STAG1: variants seen among roughly 807,000 people sequenced by gnomAD.
STAG1 encodes cohesin subunit SA-1.
A neutral mutation model predicts 170.9 loss-of-function variants in STAG1; 26 were observed. The ratio of observed to expected loss-of-function variants is 0.15; its 90% CI spans 0.11 to 0.21. STAG1 has a LOEUF of 0.21. STAG1 is among the 10% of genes least tolerant of loss of function. STAG1 has a pLI of 1.00. For synonymous variants in STAG1, 514 were observed against 497.7 expected (o/e 1.03, Z -0.44); for missense variants, 964 against 1,509.5 (o/e 0.64, Z 5.99).
chr3:136,446,492 G>A lies in STAG1; in HGVS notation c.1429-3088C>T, dbSNP rs1270370059. ...GCCTGGAATGCTACGGCATGATCTC[G>A]GCTCACTGCAACCTCCGCCTCCCAG... On this transcript the variant is annotated intron_variant, in intron 14 of 33. Transcript: ENST00000383202. 9.9e-5 allele frequency among the ~76,000 whole-genome samples: 15 copies of A among 151,572 alleles called. No individual in the cohort carries two copies. In the Middle Eastern group the frequency reaches 0.014, roughly 137 times the overall value.
At chr3:136,458,886 T>C (rs1309057915) in intron 13 of STAG1, among the ~76,000 whole-genome samples, 2 of 152,078 alleles carry the variant, frequency 1.3e-5, no homozygotes, top group Non-Finnish European at 2.9e-5. Flanking sequence ...GATATATTTG[T>C]TATCAAATAA....
chr3:136,444,404 G>A (rs2088717718), intron 14 of STAG1, among the ~76,000 whole-genome samples: 1 of 152,136 alleles, frequency 6.6e-6, no homozygotes, highest in Non-Finnish European at 1.5e-5. Flanking sequence ...AAGCTTTTCA[G>A]GGAAGGCAAG....
chr3:136,416,463 A>G (rs951611454), intron 21 of STAG1, among the ~76,000 whole-genome samples: 1 of 152,260 alleles, frequency 6.6e-6, no homozygotes, highest in African/African-American at 2.4e-5. Context: ...TACTAGCACA[A>G]TAATGATGGT....
chr3:136,547,674 T>C (rs1936213431), intron 5 of STAG1, among the ~76,000 whole-genome samples: 1 of 152,232 alleles, frequency 6.6e-6, no homozygotes, highest in Non-Finnish European at 1.5e-5. Context: ...CAGAATTTTC[T>C]TCCTTTTTAA....
chr3:136,516,784 C>A (rs1187047291), intron 7 of STAG1, among the ~76,000 whole-genome samples: 1 of 152,174 alleles, frequency 6.6e-6, no homozygotes, highest in Non-Finnish European at 1.5e-5. Flanking sequence ...CCCAAGCACT[C>A]CTAATCTCTT....
chr3:136,574,389 C>T (rs1010238624), intron 4 of STAG1, among the ~76,000 whole-genome samples: 3 of 151,940 alleles, frequency 2.0e-5, no homozygotes, highest in Non-Finnish European at 2.9e-5. Context: ...TTGATTTCTA[C>T]TTTGATGTAA....
At chr3:136,554,143 G>A (rs1390614172) in intron 5 of STAG1, among the ~76,000 whole-genome samples, 1 of 151,946 alleles carries the variant, frequency 6.6e-6, no homozygotes, top group African/African-American at 2.4e-5. Flanking sequence ...GAGATAAAGA[G>A]GAACATTAAA....
At chr3:136,714,935 TTAAATA>T (rs1252772175) in intron 1 of STAG1, among the ~76,000 whole-genome samples, 1 of 56,576 alleles carries the variant, frequency 1.8e-5, no homozygotes, top group African/African-American at 9.1e-5. Flanking sequence ...AATATATATA[TTAAATA>T]TATATATATA....
intron 12 of STAG1, among the ~76,000 whole-genome samples, chr3:136,471,572 G>A (rs144155706): frequency 6.6e-6 from 1 of 152,144 alleles, no homozygotes; most frequent in Non-Finnish European, 1.5e-5. Flanking sequence ...TATTTAGTTC[G>A]TGATAGATGT....
At chr3:136,517,705 C>T (rs1187760279) in intron 7 of STAG1, among the ~76,000 whole-genome samples, 1 of 151,696 alleles carries the variant, frequency 6.6e-6, no homozygotes, top group Non-Finnish European at 1.5e-5. Context: ...GTAAATCCAC[C>T]AAAATAATTA....
At chr3:136,671,814 C>T (rs574683891) in intron 1 of STAG1, among the ~76,000 whole-genome samples, 20 of 151,280 alleles carry the variant, frequency 1.3e-4, no homozygotes, top group African/African-American at 4.4e-4. Flanking sequence ...CCCAGGACGC[C>T]GAGGCTGCAG....
intron 4 of STAG1, among the ~76,000 whole-genome samples, chr3:136,569,666 T>G (rs1937200001): frequency 1.3e-5 from 2 of 151,964 alleles, no homozygotes; most frequent in African/African-American, 2.4e-5. Flanking sequence ...TTAAAGTGAT[T>G]CAAGAGATTA....
Position 136,749,307 on chromosome 3 carries a change from T to C in STAG1, c.-84+2888A>G, listed in dbSNP as rs201060339. Among the ~76,000 whole-genome samples, 32 of 152,204 alleles carry C rather than the reference T, an allele frequency of 2.1e-4. No individual in the cohort carries two copies. In the East Asian group the frequency reaches 3.9e-3, roughly 18 times the overall value. The stretch of plus-strand genomic sequence containing the variant: ...ATAGGGAGACTGACTCCTGCTAGCA[T>C]GGATAAAAGCTAACAGCCATGTTGT... On this transcript the variant is annotated intron_variant, in intron 1 of 33. Transcript: ENST00000383202.
chr3:136,719,627 C>CTGGGTAGG (rs1377145856), intron 1 of STAG1, among the ~76,000 whole-genome samples: 9 of 56,854 alleles, frequency 1.6e-4, no homozygotes, highest in Admixed American at 9.6e-4. Flanking sequence ...AGGTGGGTGG[C>CTGGGTAGG]TGGGTAGGTG....
At chr3:136,667,517 T>C (rs1383753126) in intron 1 of STAG1, among the ~76,000 whole-genome samples, 2 of 152,016 alleles carry the variant, frequency 1.3e-5, no homozygotes, top group Non-Finnish European at 2.9e-5. Flanking sequence ...AAGGGGTGGA[T>C]TGTTTATTTT....
intron 7 of STAG1, among the ~76,000 whole-genome samples, chr3:136,506,476 CAAAAAA>C (rs11414654): frequency 1.1e-3 from 91 of 85,344 alleles, no homozygotes; most frequent in African/African-American, 3.4e-3. Flanking sequence ...ACTAAAAATA[CAAAAAA>C]AAAAAAAAAA....
At chr3:136,469,345 C>A (rs911783211) in intron 12 of STAG1, among the ~76,000 whole-genome samples, 42 of 152,234 alleles carry the variant, frequency 2.8e-4, no homozygotes, top group African/African-American at 9.9e-4. Context: ...CAGTAACAGA[C>A]AAACAGAGAG....
Position 136,341,538 on chromosome 3 carries a change from T to G in STAG1, c.3460A>C (p.Ile1154Leu). Residue 1154 changes from isoleucine to leucine, a missense_variant, in exon 31 of 34, where the codon ATC becomes CTC. Ile to Leu is a conservative substitution (Grantham distance 5). Coordinates refer to ENST00000383202, the MANE Select transcript of STAG1 (RefSeq NM_005862.3). The stretch of plus-strand genomic sequence containing the variant: ...AACTTCGGCTGGCCTAACCAAGAGA[T>G]CTGCATCTGAGGACTAAGAGAGGGT... ...PDFLHNPQMQ[I>L]SWLGQPKLED... The G allele has an allele frequency of 6.2e-7, 1 of 1,610,838 alleles. No homozygotes were observed.
chr3:136,452,699 C>A (rs537270218), intron 13 of STAG1, among the ~76,000 whole-genome samples: 1 of 152,122 alleles, frequency 6.6e-6, no homozygotes, highest in Non-Finnish European at 1.5e-5. Context: ...GAAACTTTTA[C>A]AATGAACAAT....
Sources: allele counts gnomAD v4.1 joint callset (sites outside exome capture counted in the v4.1 genomes callset), GRCh38; gene constraint gnomAD v4.1.1; transcripts MANE v1.5; gene names NCBI Gene and HGNC (gene_info 2026-07-23, HGNC 2026-07-21).